The following DMBT1 variants were observed in gnomAD, a reference collection of about 807,000 sequenced individuals.
DMBT1 encodes the protein scavenger receptor cysteine-rich domain-containing protein DMBT1.
In DMBT1, 198 loss-of-function variants were observed where a neutral mutation model predicts 252.9. That is an observed-to-expected ratio of 0.78 (90% CI 0.70 to 0.88). The LOEUF (loss-of-function observed/expected upper bound fraction) is 0.88. Among genes scored for constraint, DMBT1 ranks in the 40% least tolerant of loss-of-function variants. DMBT1 has a pLI of 0.00. For missense variants in DMBT1, 2,432 were observed against 2,404.7 expected (o/e 1.01, Z -0.24); for synonymous variants, 990 against 942.7 (o/e 1.05, Z -0.92).
At chr10:122,573,302 C>T (rs1439249152) in intron 5 of DMBT1, among the ~76,000 whole-genome samples, 4 of 86,412 alleles carry the variant, frequency 4.6e-5, no homozygotes, top group Non-Finnish European at 1.0e-4. Context: ...GGTTTTCTTT[C>T]GAAACCACCT....
At chr10:122,590,745 T>A in intron 18 of DMBT1, 51 bp downstream of exon 18, 1 of 1,569,890 alleles carries the variant, frequency 6.4e-7, no homozygotes, top group Non-Finnish European at 8.7e-7. Context: ...TCTGCACAAT[T>A]ATCCTTTTTC....
chr10:122,639,318 A>G (rs2684742), intron 54 of DMBT1, among the ~76,000 whole-genome samples: 71,034 of 152,090 alleles, frequency 0.47, 19,092 homozygotes, highest in African/African-American at 0.73. Context: ...ATGTGCGTCC[A>G]TGTGAAAAGA....
intron 41 of DMBT1, 78 bp from the exon 42 acceptor site, chr10:122,619,230 G>T (rs190604322): frequency 2.5e-6 from 4 of 1,588,756 alleles, no homozygotes; most frequent in Admixed American, 1.7e-5. Flanking sequence ...GGCTTGCCCA[G>T]TTCCTTCTAT....
At position 122,643,595 on chromosome 10, in the gene DMBT1, G is replaced by A. The variant is rs1395240325; in HGVS notation, c.*197G>A. 5.5e-6 allele frequency: 4 copies of A among 726,998 alleles called. No homozygotes were observed. Among genetic ancestry groups the A allele is most frequent in the Admixed American group, 2.9e-5 (1 of 33,992 alleles). 45.0% of individuals were successfully genotyped at this position (726,998 alleles called of 1,614,324 possible). ...CTTGGAGGACCCGTTGCAGGGTGAGGTCAAGAGAGTTCTGACCTGGATGGC... is the reference window on the plus strand; with the variant it reads ...CTTGGAGGACCCGTTGCAGGGTGAGATCAAGAGAGTTCTGACCTGGATGGC... On this transcript the variant is annotated 3_prime_UTR_variant, in exon 56 of 56. Transcript: ENST00000338354.
chr10:122,636,298 C>T (rs55888207), intron 53 of DMBT1, 99 bp downstream of exon 53: 12,682 of 1,137,846 alleles, frequency 0.011, 95 homozygotes, highest in Non-Finnish European at 0.014. Context: ...AATGAAGGAA[C>T]CCTTTCAGGT....
At chr10:122,578,821 T>A (rs2097736775) in intron 9 of DMBT1, 62 bp downstream of exon 9, 2 of 1,479,160 alleles carry the variant, frequency 1.4e-6, no homozygotes, top group East Asian at 4.7e-5. Flanking sequence ...ACTTTGGATT[T>A]CATAGTTCAC....
chr10:122,598,010 T>C lies in DMBT1; in HGVS notation c.2954T>C (p.Val985Ala). ...ACCATCACCTTGCCTGCATCGACAG[T>C]AGGTAAATATTCCTCTCGCCCCTCC... ...LPTITLPAST[V>A]GSESSLALRL... The change falls in exon 25 of 56, where the codon GTA becomes GCA. Residue 985 changes from valine to alanine, a missense_variant and splice_region_variant. Around this residue, in one of 3 missense-constraint regions of DMBT1, gnomAD observed 1,264 missense variants for 1,082.2 expected, o/e 1.17. Transcript: ENST00000338354. The C allele has an allele frequency of 1.2e-6, 2 of 1,613,928 alleles. No homozygotes were observed. Among genetic ancestry groups the C allele is most frequent in the Non-Finnish European group, 1.7e-6 (2 of 1,179,858 alleles).
At chr10:122,599,136 G>A in intron 26 of DMBT1, 39 bp downstream of exon 26, 2 of 1,613,542 alleles carry the variant, frequency 1.2e-6, no homozygotes, top group Non-Finnish European at 1.7e-6. Context: ...TCTTGGGGTG[G>A]AGTTTGCTCC....
Position 122,598,966 on chromosome 10 carries a change from A to C in DMBT1, c.3149A>C (p.Gln1050Pro). 6.2e-7 allele frequency: 1 copy of C among 1,613,800 alleles called. No homozygotes were observed. Among genetic ancestry groups the C allele is most frequent in the Non-Finnish European group, 8.5e-7 (1 of 1,179,720 alleles). Residue 1050 changes from glutamine (Q) to proline (P), a missense_variant, in exon 26 of 56, where the codon CAG (glutamine) becomes CCG (proline). By Grantham distance (76) the Gln-to-Pro change is moderately conservative. Around this residue, in one of 3 missense-constraint regions of DMBT1, gnomAD observed 1,264 missense variants for 1,082.2 expected, o/e 1.17. Transcript: ENST00000338354. ...GCCCCAGGAAATGCCCGGTTTGGTC[A>C]GGGCTCAGGACCCATTGTCCTGGAT... is the stretch of plus-strand genomic sequence containing the variant. ...MSAPGNARFGQGSGPIVLDDV... is the reference protein window; with the variant it reads ...MSAPGNARFGPGSGPIVLDDV...
rs756799534 is a variant in DMBT1 at position 122,590,677 on chromosome 10, G to T, written c.2120G>T (p.Arg707Leu). 1 of 1,587,752 alleles carries T rather than the reference G, an allele frequency of 6.3e-7. No individual in the cohort carries two copies. The highest frequency in any genetic ancestry group is 1.7e-5 in the Admixed American group (1 of 59,482). The change falls in exon 18 of 56, where the codon CGG (arginine) becomes CTG (leucine). Residue 707 changes from arginine (R) to leucine (L), a missense_variant. Transcript: ENST00000338354. Reference sequence around the variant, plus strand: ...CTCTTTCTCACAGCTGCCCAGTCCCGGTCGACGCCCAGGCCAGGTGAGTCC... The same window carrying T: ...CTCTTTCTCACAGCTGCCCAGTCCCTGTCGACGCCCAGGCCAGGTGAGTCC... ...AGVICSAAQSRSTPRPDTLST... is the reference protein window; with the variant it reads ...AGVICSAAQSLSTPRPDTLST...
chr10:122,592,462 C>T lies in DMBT1; in HGVS notation c.2367C>T (p.Gly789=), dbSNP rs748852773. 2.3e-5 allele frequency: 37 copies of T among 1,587,984 alleles called. 6 individuals carry two copies. Among genetic ancestry groups the T allele is most frequent in the African/African-American group, 4.0e-5 (3 of 74,460 alleles). The stretch of plus-strand genomic sequence containing the variant: ...CGGCCCCAGGAAATGCCCGGTTTGG[C>T]CAGGGCTCAGGACCCATTGTTCTGG... The part of the protein sequence containing the change: ...ATSAPGNARF[G]QGSGPIVLDD... The change falls in exon 20 of 56, where the codon GGC becomes GGT. Residue 789 remains glycine (G), a synonymous_variant. Coordinates refer to ENST00000338354, the MANE Select transcript of DMBT1 (RefSeq NM_001377530.1).
chr10:122,636,955 A>C (rs2098231532), intron 53 of DMBT1, among the ~76,000 whole-genome samples, 173 bp from the exon 54 acceptor site: 1 of 151,990 alleles, frequency 6.6e-6, no homozygotes, highest in African/African-American at 2.4e-5. Context: ...GGCTGACTTG[A>C]CCCTCGGGTC....
chr10:122,585,598 C>T (rs1423305346), intron 15 of DMBT1, among the ~76,000 whole-genome samples: 1 of 148,586 alleles, frequency 6.7e-6, no homozygotes, highest in African/African-American at 2.4e-5. Context: ...CTACTAAGAC[C>T]TCATTCCTGT....
chr10:122,626,017 A>C, intron 46 of DMBT1, 52 bp downstream of exon 46: 3 of 1,498,180 alleles, frequency 2.0e-6, no homozygotes, highest in Non-Finnish European at 2.8e-6. Context: ...TCTTATCCCC[A>C]AGCTTGGCTA....
Position 122,591,491 on chromosome 10 carries a change from C to G in DMBT1, c.2150C>G (p.Thr717Ser). Residue 717 changes from threonine (T) to serine (S), a missense_variant, in exon 19 of 56, where the codon ACC becomes AGC. Physicochemically the swap from Thr to Ser is moderately conservative, Grantham distance 58. Coordinates refer to ENST00000338354, the MANE Select transcript of DMBT1 (RefSeq NM_001377530.1). ...RSTPRPDTLS[T>S]ITLPPSTVGS... is the part of the protein sequence containing the mutation. Reference sequence around the variant, plus strand: ...TTGCAATTTACAGACACGTTGTCGACCATCACGTTACCTCCATCGACAGTA... The same window carrying G: ...TTGCAATTTACAGACACGTTGTCGAGCATCACGTTACCTCCATCGACAGTA... The G allele has an allele frequency of 6.3e-7, 1 of 1,587,716 alleles. No homozygotes were observed. Among genetic ancestry groups the G allele is most frequent in the East Asian group, 2.3e-5 (1 of 42,682 alleles).
chr10:122,564,970 A>C (rs2097577928), intron 1 of DMBT1, among the ~76,000 whole-genome samples: 1 of 152,180 alleles, frequency 6.6e-6, no homozygotes, highest in South Asian at 2.1e-4. Flanking sequence ...AAATGAAAAA[A>C]TTTGAATTTT....
intron 4 of DMBT1, among the ~76,000 whole-genome samples, 158 bp from the exon 5 acceptor site, chr10:122,572,156 C>G (rs938085708): frequency 2.6e-5 from 4 of 152,190 alleles, no homozygotes; most frequent in African/African-American, 9.7e-5. Flanking sequence ...GGGACCAGTA[C>G]AGTGACAGAG....
chr10:122,565,837 A>G (rs2097585258), intron 1 of DMBT1, 130 bp from the exon 2 acceptor site: 1 of 814,088 alleles, frequency 1.2e-6, no homozygotes, highest in African/African-American at 1.7e-5. Context: ...AACGTCGGGG[A>G]CACACAAACC....
intron 2 of DMBT1, among the ~76,000 whole-genome samples, chr10:122,569,865 A>T (rs2097645130): frequency 6.6e-6 from 1 of 152,134 alleles, no homozygotes; most frequent in South Asian, 2.1e-4. Context: ...TGTCATTGAC[A>T]TTGGATCTTG....
Sources: gnomAD v4.1 joint callset for allele counts (sites outside exome capture counted in the v4.1 genomes callset) on GRCh38, gnomAD v4.1.1 for gene constraint, gnomAD v4.1.1 regional missense constraint, MANE v1.5 for transcripts, NCBI Gene and HGNC (gene_info 2026-07-23, HGNC 2026-07-21) for gene names.